Variants in TAF8 observed in about 807,000 individuals in gnomAD.
TAF8 encodes transcription initiation factor TFIID subunit 8.
In TAF8, 47 loss-of-function variants were observed where a neutral mutation model predicts 36.5. That is an observed-to-expected ratio of 1.29 (90% CI 1.02 to 1.64). TAF8 has a LOEUF of 1.64. TAF8 is among the 40% of genes most tolerant of loss of function. The pLI is 0.00. For synonymous variants in TAF8, 175 were observed against 159.5 expected (o/e 1.10, Z -0.73); for missense variants, 420 against 407.6 (o/e 1.03, Z -0.26).
At chr6:42,075,280 C>T (rs1265051604) in intron 7 of TAF8, among the ~76,000 whole-genome samples, 1 of 152,128 alleles carries the variant, frequency 6.6e-6, no homozygotes, top group Non-Finnish European at 1.5e-5. Context: ...TAGGTTGGTC[C>T]TGCAGCACTT....
chr6:42,068,708 CTT>C, intron 7 of TAF8, 101 bp downstream of exon 7: 1 of 1,452,726 alleles, frequency 6.9e-7, no homozygotes, highest in South Asian at 1.2e-5. Flanking sequence ...CCTCAGGTCT[CTT>C]TGGCTTTCTG....
chr6:42,073,488 G>T (rs151206047), intron 7 of TAF8, among the ~76,000 whole-genome samples: 54 of 152,286 alleles, frequency 3.5e-4, no homozygotes, highest in African/African-American at 1.2e-3. Flanking sequence ...AAACAGTAGG[G>T]GAAGATCCAG....
intron 7 of TAF8, among the ~76,000 whole-genome samples, chr6:42,074,017 G>A (rs1475272365): frequency 6.6e-6 from 1 of 152,176 alleles, no homozygotes; most frequent in Non-Finnish European, 1.5e-5. Flanking sequence ...TGTGCCAGGT[G>A]TGGTGGTGCA....
intron 6 of TAF8, 113 bp downstream of exon 6, chr6:42,066,572 A>G (rs1191948524): frequency 7.2e-6 from 9 of 1,253,126 alleles, no homozygotes; most frequent in Non-Finnish European, 1.0e-5. Context: ...TCCCTTGGGT[A>G]CAGCTTGCCT....
Position 42,055,964 on chromosome 6 carries a change from A to G in TAF8, c.314A>G (p.Asp105Gly), listed in dbSNP as rs765658996. The change falls in exon 4 of 9, where the codon GAC (aspartate) becomes GGC (glycine). Residue 105 changes from aspartate to glycine, a missense_variant. Asp to Gly is a moderately conservative substitution (Grantham distance 94). Coordinates refer to ENST00000372977, the MANE Select transcript of TAF8 (RefSeq NM_138572.3). ...TCCTGTCTCTTAGGTTTCAATGTGGACACTCTCCCTGCTTATGCAAAACGG... is the reference window on the plus strand; with the variant it reads ...TCCTGTCTCTTAGGTTTCAATGTGGGCACTCTCCCTGCTTATGCAAAACGG... ...VTLVEMGFNVDTLPAYAKRSQ... is the reference protein window; with the variant it reads ...VTLVEMGFNVGTLPAYAKRSQ... The G allele has an allele frequency of 6.2e-7, 1 of 1,612,590 alleles. No homozygotes were observed. The highest frequency in any genetic ancestry group is 8.5e-7 in the Non-Finnish European group (1 of 1,178,622).
chr6:42,074,187 G>A (rs1765675025), intron 7 of TAF8, among the ~76,000 whole-genome samples: 1 of 152,126 alleles, frequency 6.6e-6, no homozygotes, highest in Non-Finnish European at 1.5e-5. Context: ...TTAGAAGGAT[G>A]GAGTTGCCAT....
intron 7 of TAF8, among the ~76,000 whole-genome samples, chr6:42,073,546 T>C (rs1765652793): frequency 6.6e-6 from 1 of 152,054 alleles, no homozygotes; most frequent in South Asian, 2.1e-4. Flanking sequence ...GGAGTAGGCA[T>C]TACTGAGAAG....
intron 7 of TAF8, among the ~76,000 whole-genome samples, chr6:42,076,536 G>A (rs936527746): frequency 1.3e-5 from 2 of 152,190 alleles, no homozygotes; most frequent in Non-Finnish European, 1.5e-5. Flanking sequence ...CTGGCTCTGC[G>A]TCCCTTAGTG....
rs757200284 is a variant in TAF8 at position 42,068,601 on chromosome 6, C to A, written c.774C>A (p.Ile258=). The change falls in exon 7 of 9, where the codon ATC becomes ATA. Residue 258 remains isoleucine (I), a synonymous_variant. Coordinates refer to ENST00000372977, the MANE Select transcript of TAF8 (RefSeq NM_138572.3). ...QTDTENLALH[I]SMEDSGAEKE... ...ACACAGAGAACCTTGCTCTTCATAT[C>A]AGCATGGTGGGTTCCACCTTCTGCC... The A allele has an allele frequency of 2.5e-6, 4 of 1,613,008 alleles. No individual in the cohort carries two copies. In the South Asian group the frequency reaches 4.4e-5, roughly 18 times the overall value.
downstream of TAF8, among the ~76,000 whole-genome samples, chr6:42,084,941 G>A (rs1027396006): frequency 1.3e-5 from 2 of 152,168 alleles, no homozygotes; most frequent in African/African-American, 4.8e-5. Flanking sequence ...TCCTTTCTTG[G>A]ATGAGTTGGG....
In TAF8 at chr6:42,055,581, A is replaced by G. The variant is rs928658205; in HGVS notation, c.253A>G (p.Arg85Gly). Residue 85 changes from arginine (R) to glycine (G), a missense_variant, in exon 3 of 9, where the codon AGG (arginine) becomes GGG (glycine). Physicochemically the swap from Arg to Gly is moderately radical, Grantham distance 125 (BLOSUM62 -2). Transcript: ENST00000372977. The part of the protein sequence containing the change: ...SAKSYCEHTA[R>G]TQPTLSDIVV... ...CAAGTCTTACTGTGAGCACACAGCC[A>G]GGACCCAGCCCACACTGTCCGATAT... 4 of 1,614,242 alleles carry G rather than the reference A, an allele frequency of 2.5e-6. No individual in the cohort carries two copies. Among genetic ancestry groups the G allele is most frequent in the South Asian group, 1.1e-5 (1 of 91,082 alleles).
chr6:42,060,359 T>C (rs750827850), intron 5 of TAF8, among the ~76,000 whole-genome samples: 2 of 152,244 alleles, frequency 1.3e-5, no homozygotes, highest in African/African-American at 2.4e-5. Flanking sequence ...AAATAAACTT[T>C]AGTCTTACTG....
downstream of TAF8, among the ~76,000 whole-genome samples, chr6:42,084,952 G>T (rs564480016): frequency 8.5e-5 from 13 of 152,284 alleles, no homozygotes; most frequent in African/African-American, 3.1e-4. Context: ...ATGAGTTGGG[G>T]CGTATTGCCT....
intron 5 of TAF8, among the ~76,000 whole-genome samples, chr6:42,057,954 G>C (rs1765065825): frequency 6.6e-6 from 1 of 152,074 alleles, no homozygotes; most frequent in Non-Finnish European, 1.5e-5. Flanking sequence ...GACTGAAAAG[G>C]TATTCCACTA....
chr6:42,053,522 A>G lies in TAF8; in HGVS notation c.202+2009A>G, dbSNP rs554132324. Among the ~76,000 whole-genome samples the G allele has an allele frequency of 1.1e-4, 17 of 151,128 alleles. No individual in the cohort carries two copies. The East Asian group carries it at 3.1e-3, about 28-fold the overall frequency. Reference sequence around the variant, plus strand: ...AGAGATTGCATTGAGCCAAGATCACACCATTGTACTCCAGCCTGGGCAACA... The same window carrying G: ...AGAGATTGCATTGAGCCAAGATCACGCCATTGTACTCCAGCCTGGGCAACA... On this transcript the variant is annotated intron_variant, in intron 2 of 8. Transcript: ENST00000372977.
downstream of TAF8, among the ~76,000 whole-genome samples, chr6:42,085,108 A>AT (rs1388643616): frequency 2.6e-5 from 4 of 152,092 alleles, no homozygotes; most frequent in South Asian, 2.1e-4. Flanking sequence ...ATACGGACAC[A>AT]TTTTTCCCTT....
In TAF8 at chr6:42,079,594, G is replaced by C; in HGVS notation, c.*2049G>C. 1 of 981,370 alleles carries C rather than the reference G, an allele frequency of 1.0e-6. No individual in the cohort carries two copies. Among genetic ancestry groups the C allele is most frequent in the Non-Finnish European group, 1.2e-6 (1 of 826,488 alleles). The allele number at this position is 981,370 out of a possible 1,614,324, so 60.8% of individuals were successfully genotyped here. A position where few individuals can be genotyped will look rare whatever the true frequency, so the allele number is the denominator to read the frequency against. ...TCCTTTTATTTTGAGACAGGGTCTCGCTGTGTCGCCCCAGCTGGAGTATAG... is the reference window on the plus strand; with the variant it reads ...TCCTTTTATTTTGAGACAGGGTCTCCCTGTGTCGCCCCAGCTGGAGTATAG... On this transcript the variant is annotated 3_prime_UTR_variant, in exon 9 of 9. Transcript: ENST00000372977.
chr6:42,078,484 A>G lies in TAF8; in HGVS notation c.*939A>G. The G allele has an allele frequency of 1.0e-6, 1 of 985,442 alleles. No individual in the cohort carries two copies. The highest frequency in any genetic ancestry group is 1.2e-6 in the Non-Finnish European group (1 of 829,936). The allele number at this position is 985,442 out of a possible 1,614,324, so 61.0% of individuals were successfully genotyped here. A position where few individuals can be genotyped will look rare whatever the true frequency, so the allele number is the denominator to read the frequency against. ...TCCCAAGTGCTCCGTTGAGCTGATG[A>G]AAAGTTCTTTGTACTCCCTCAACGT... On this transcript the variant is annotated 3_prime_UTR_variant, in exon 9 of 9. Transcript: ENST00000372977.
chr6:42,053,788 T>G (rs965042953), intron 2 of TAF8, among the ~76,000 whole-genome samples: 1 of 152,150 alleles, frequency 6.6e-6, no homozygotes, highest in Admixed American at 6.6e-5. Context: ...CTACCACAGA[T>G]TCCCAGGCTA....
Sources: gnomAD v4.1 joint callset for allele counts (sites outside exome capture counted in the v4.1 genomes callset) on GRCh38, gnomAD v4.1.1 for gene constraint, MANE v1.5 for transcripts, NCBI Gene and HGNC (gene_info 2026-07-23, HGNC 2026-07-21) for gene names.